AHCYL2: variants seen among roughly 807,000 people sequenced by gnomAD.
The protein encoded by AHCYL2 is adenosylhomocysteinase like 2.
A neutral mutation model predicts 81.4 loss-of-function variants in AHCYL2; 28 were observed. The ratio of observed to expected loss-of-function variants is 0.34; its 90% CI spans 0.25 to 0.47. The LOEUF (loss-of-function observed/expected upper bound fraction) is 0.47, where lower values mean the gene tolerates loss of function less well. Ranked by LOEUF, AHCYL2 falls within the 20% of genes least tolerant of loss-of-function variation. The probability of loss-of-function intolerance (pLI) is 1.00; values close to 1 mark genes in which losing one functional copy is unlikely to be tolerated. For synonymous variants in AHCYL2, 272 were observed against 290.2 expected (o/e 0.94, Z 0.64); for missense variants, 551 against 785.1 (o/e 0.70, Z 3.56).
At chr7:129,351,756 C>G (rs1247278816) in intron 1 of AHCYL2, 3 of 152,202 alleles carry the variant, frequency 2.0e-5, no homozygotes, top group African/African-American at 7.2e-5. Flanking sequence ...CAGTGGTTCT[C>G]AAAATGTGGT....
At chr7:129,425,025 T>C in intron 14 of AHCYL2, 38 bp from the exon 15 acceptor site, 1 of 1,613,180 alleles carries the variant, frequency 6.2e-7, no homozygotes, top group Non-Finnish European at 8.5e-7. Context: ...TAGATTGCCA[T>C]GAATGGCACA....
chr7:129,418,992 T>C (rs1217290398), intron 12 of AHCYL2, among the ~76,000 whole-genome samples: 4 of 152,208 alleles, frequency 2.6e-5, no homozygotes, highest in African/African-American at 7.2e-5. Context: ...TGTGGGAGAA[T>C]GATTTGGTAA....
At chr7:129,302,857 C>T (rs1470489845) in intron 1 of AHCYL2, among the ~76,000 whole-genome samples, 1 of 152,072 alleles carries the variant, frequency 6.6e-6, no homozygotes, top group Admixed American at 6.6e-5. Context: ...CAGGGTAATA[C>T]TGGTCTCATA....
chr7:129,415,888 G>T (rs1796822752), intron 12 of AHCYL2, among the ~76,000 whole-genome samples: 1 of 151,954 alleles, frequency 6.6e-6, no homozygotes, highest in African/African-American at 2.4e-5. Flanking sequence ...AAAATACAGA[G>T]ATTAGTTGGG....
chr7:129,373,707 T>G (rs1794532864), intron 1 of AHCYL2, among the ~76,000 whole-genome samples: 1 of 152,242 alleles, frequency 6.6e-6, no homozygotes, highest in South Asian at 2.1e-4. Context: ...ATGCCAGTCC[T>G]TCTGGCTCAA....
At chr7:129,415,749 G>A (rs773257927) in intron 12 of AHCYL2, among the ~76,000 whole-genome samples, 3 of 152,024 alleles carry the variant, frequency 2.0e-5, no homozygotes, top group Non-Finnish European at 4.4e-5. Context: ...CCAGGAGTTC[G>A]AGACCAGTCT....
At chr7:129,237,923 T>C (rs1172893826) in intron 1 of AHCYL2, among the ~76,000 whole-genome samples, 2 of 152,156 alleles carry the variant, frequency 1.3e-5, no homozygotes, top group African/African-American at 4.8e-5. Flanking sequence ...GGTTTCACCA[T>C]CTTGGCCAGG....
At position 129,427,104 on chromosome 7, in the gene AHCYL2, A is replaced by G; in HGVS notation, c.*59A>G. The G allele has an allele frequency of 1.3e-6, 2 of 1,529,268 alleles. No homozygotes were observed. The highest frequency in any genetic ancestry group is 1.1e-5 in the South Asian group (1 of 88,400). The allele number at this position is 1,529,268 out of a possible 1,614,324, so 94.7% of individuals were successfully genotyped here. ...TAGAACTCCAAGCCTTTTCTCCACT[A>G]CTATACAAGAAAGAATTCAGCAAGC... On this transcript the variant is annotated 3_prime_UTR_variant, in exon 17 of 17. Transcript: ENST00000325006. This position sits in a 1 kb window ranked among gnomAD's most constrained non-coding sequence, Gnocchi z 5.5.
At chr7:129,262,683 A>G (rs1164835407) in intron 1 of AHCYL2, among the ~76,000 whole-genome samples, 1 of 152,194 alleles carries the variant, frequency 6.6e-6, no homozygotes, top group Non-Finnish European at 1.5e-5. Context: ...CTGGGCAGCA[A>G]GGGATGGGTA....
intron 1 of AHCYL2, among the ~76,000 whole-genome samples, chr7:129,314,586 G>A (rs1280650727): frequency 1.3e-5 from 2 of 152,202 alleles, no homozygotes; most frequent in African/African-American, 4.8e-5. Flanking sequence ...TTGCATAGTG[G>A]AAGGGATGAG....
At chr7:129,272,323 G>A (rs1260380415) in intron 1 of AHCYL2, among the ~76,000 whole-genome samples, 1 of 152,168 alleles carries the variant, frequency 6.6e-6, no homozygotes, top group Non-Finnish European at 1.5e-5. Context: ...TGAGGCCCCA[G>A]ATGTTATAGA....
At chr7:129,353,577 C>T (rs764659960) in intron 1 of AHCYL2, among the ~76,000 whole-genome samples, 20 of 150,432 alleles carry the variant, frequency 1.3e-4, no homozygotes, top group African/African-American at 2.9e-4. Flanking sequence ...ATTTTTTATC[C>T]GTCTCCCTTA....
chr7:129,389,506 C>G lies in AHCYL2; in HGVS notation c.620-128C>G, dbSNP rs1262917714. 4 of 802,154 alleles carry G rather than the reference C, an allele frequency of 5.0e-6. No homozygotes were observed. The Admixed American group carries it at 1.2e-4, about 24-fold the overall frequency. 49.7% of individuals were successfully genotyped at this position (802,154 alleles called of 1,614,324 possible). A position where few individuals can be genotyped will look rare whatever the true frequency, so the allele number is the denominator to read the frequency against. ...GAAAATACAGGTTTAATGTCTTGAT[C>G]CCTGGAGAAACCTAATCTAACCTGA... is the stretch of plus-strand genomic sequence containing the variant. On this transcript the variant is annotated intron_variant, in intron 3 of 16. Coordinates refer to ENST00000325006, the MANE Select transcript of AHCYL2 (RefSeq NM_015328.4).
intron 1 of AHCYL2, among the ~76,000 whole-genome samples, chr7:129,301,067 C>T (rs544769388): frequency 6.2e-4 from 95 of 152,312 alleles, no homozygotes; most frequent in African/African-American, 2.2e-3. Flanking sequence ...GATCTGCCCA[C>T]CTTGGCCTCC....
At chr7:129,344,108 TAA>T (rs993964724) in intron 1 of AHCYL2, among the ~76,000 whole-genome samples, 1 of 152,068 alleles carries the variant, frequency 6.6e-6, no homozygotes, top group Non-Finnish European at 1.5e-5. Context: ...TGGCTAAAAT[TAA>T]AAAGAGTGAC....
chr7:129,364,510 C>T (rs1295508173), intron 1 of AHCYL2, among the ~76,000 whole-genome samples: 1 of 152,152 alleles, frequency 6.6e-6, no homozygotes, highest in Non-Finnish European at 1.5e-5. Flanking sequence ...AGGCTGGTCT[C>T]GATCTCCTGA....
intron 8 of AHCYL2, chr7:129,405,478 TC>T (rs1796257796): frequency 2.8e-6 from 1 of 352,762 alleles, no homozygotes; most frequent in Non-Finnish European, 5.0e-6. Flanking sequence ...GTTATCTACA[TC>T]TTCTTCCTTT....
chr7:129,254,250 A>T (rs1031086515), intron 1 of AHCYL2, among the ~76,000 whole-genome samples: 2 of 152,220 alleles, frequency 1.3e-5, no homozygotes, highest in South Asian at 4.1e-4. Flanking sequence ...GAGGACAAAG[A>T]TGGCTAATTA....
intron 1 of AHCYL2, among the ~76,000 whole-genome samples, chr7:129,338,576 A>G (rs957069961): frequency 1.3e-5 from 2 of 152,224 alleles, no homozygotes. Flanking sequence ...GCACTGTGTT[A>G]TCAGACTTTC....
Sources: gnomAD v4.1 joint callset for allele counts (sites outside exome capture counted in the v4.1 genomes callset) on GRCh38, gnomAD v4.1.1 for gene constraint, Gnocchi (gnomAD v3.1) non-coding constraint, MANE v1.5 for transcripts, NCBI Gene and HGNC (gene_info 2026-07-23, HGNC 2026-07-21) for gene names.